Variants in GOLGB1 observed in about 807,000 individuals in gnomAD.
The protein encoded by GOLGB1 is golgin subfamily B member 1.
A neutral mutation model predicts 336.9 loss-of-function variants in GOLGB1; 174 were observed. That is an observed-to-expected ratio of 0.52 (90% confidence interval 0.46 to 0.59). The LOEUF (loss-of-function observed/expected upper bound fraction) is 0.59. Among genes scored for constraint, GOLGB1 ranks in the 20% least tolerant of loss-of-function variants. GOLGB1 has a pLI of 0.00. For synonymous variants in GOLGB1, 1,208 were observed against 1,289.2 expected, an observed-to-expected ratio of 0.94 and a Z score of 1.35; for missense variants, 3,331 against 3,645.3, an observed-to-expected ratio of 0.91 and a Z score of 2.22.
intron 6 of GOLGB1, 22 bp from the exon 7 acceptor site, chr3:121,719,790 A>C: frequency 6.3e-7 from 1 of 1,580,078 alleles, no homozygotes; most frequent in Non-Finnish European, 8.6e-7. Context: ...TACCAGAGAA[A>C]CTATGCAAGT....
chr3:121,696,334 G>A lies in GOLGB1; in HGVS notation c.4189C>T (p.Pro1397Ser). 1.9e-6 allele frequency: 3 copies of A among 1,614,078 alleles called. No homozygotes were observed. Among genetic ancestry groups the A allele is most frequent in the Non-Finnish European group, 2.5e-6 (3 of 1,179,984 alleles). Residue 1397 changes from proline (P) to serine (S), a missense_variant, in exon 13 of 22, where the codon CCT becomes TCT. By Grantham distance (74) the Pro-to-Ser change is moderately conservative (BLOSUM62 -1). Coordinates refer to ENST00000614479, the MANE Select transcript of GOLGB1 (RefSeq NM_001366282.2). ...AGTTTTTGCAGTTCATCCAGTTTAGGTTGCAATTCTCTTAGATGTTCTAGG... is the reference window on the plus strand; with the variant it reads ...AGTTTTTGCAGTTCATCCAGTTTAGATTGCAATTCTCTTAGATGTTCTAGG... The part of the protein sequence containing the change: ...AGLEHLRELQ[P>S]KLDELQKLIS...
At chr3:121,671,920 T>G (rs1425409948) in intron 17 of GOLGB1, among the ~76,000 whole-genome samples, 2 of 152,200 alleles carry the variant, frequency 1.3e-5, no homozygotes, top group Non-Finnish European at 2.9e-5. Context: ...CTTGGCTTAT[T>G]TCACTTAACA....
intron 10 of GOLGB1, among the ~76,000 whole-genome samples, chr3:121,714,055 A>G (rs35988617): frequency 0.22 from 33,484 of 152,180 alleles, 4,233 homozygotes; most frequent in Non-Finnish European, 0.29. Flanking sequence ...ACGTCTTAAC[A>G]AAACATTGGA....
chr3:121,667,691 G>T, intron 19 of GOLGB1, 81 bp from the exon 20 acceptor site: 1 of 1,281,452 alleles, frequency 7.8e-7, no homozygotes, highest in Non-Finnish European at 1.1e-6. Flanking sequence ...GTCTTCATAA[G>T]GTTGTAAAGC....
At chr3:121,724,660 C>T (rs1036845673) in intron 5 of GOLGB1, among the ~76,000 whole-genome samples, 1 of 152,010 alleles carries the variant, frequency 6.6e-6, no homozygotes, top group Non-Finnish European at 1.5e-5. Context: ...CCACCACTTG[C>T]TAAAGAAATT....
intron 6 of GOLGB1, among the ~76,000 whole-genome samples, 164 bp from the exon 7 acceptor site, chr3:121,719,932 G>A (rs1945061124): frequency 1.3e-5 from 2 of 152,128 alleles, no homozygotes; most frequent in African/African-American, 4.8e-5. Flanking sequence ...AGATAGGCTG[G>A]ACAGTAACTA....
At chr3:121,687,956 T>C (rs1241193998) in intron 14 of GOLGB1, among the ~76,000 whole-genome samples, 1 of 152,052 alleles carries the variant, frequency 6.6e-6, no homozygotes, top group Non-Finnish European at 1.5e-5. Context: ...TATAAACAAG[T>C]ATGTGTATGT....
At chr3:121,670,751 C>CT (rs1219969560) in intron 17 of GOLGB1, among the ~76,000 whole-genome samples, 4 of 43,936 alleles carry the variant, frequency 9.1e-5, no homozygotes, top group African/African-American at 3.1e-4. Flanking sequence ...ATAGGGTTTT[C>CT]TTTTGGGGGG....
chr3:121,691,026 C>T lies in GOLGB1; in HGVS notation c.8338G>A (p.Gly2780Arg). ...GCATCTCTCTCTCTGTTTAAGAGTC[C>T]CTGTTCTTTCAACTGTGCCAATTCC... is the stretch of plus-strand genomic sequence containing the variant. ...LKELAQLKEQ[G>R]LLNRERDALL... Residue 2780 changes from glycine to arginine, a missense_variant, in exon 14 of 22, where the codon GGA becomes AGA. Coordinates refer to ENST00000614479, the MANE Select transcript of GOLGB1 (RefSeq NM_001366282.2). 6.2e-7 allele frequency: 1 copy of T among 1,613,736 alleles called. No individual in the cohort carries two copies. The highest frequency in any genetic ancestry group is 8.5e-7 in the Non-Finnish European group (1 of 1,179,770).
At chr3:121,721,375 C>T (rs551443349) in intron 6 of GOLGB1, among the ~76,000 whole-genome samples, 14 of 152,242 alleles carry the variant, frequency 9.2e-5, no homozygotes, top group African/African-American at 3.4e-4. Flanking sequence ...GCCTGTAATC[C>T]CAGCACTTTG....
rs183198912 is a variant in GOLGB1 at position 121,671,431 on chromosome 3, G to A, written c.9178-2076C>T. 1.1e-3 allele frequency among the ~76,000 whole-genome samples: 168 copies of A among 152,212 alleles called. 1 individual carries two copies. The highest frequency in any genetic ancestry group is 3.8e-3 in the African/African-American group (158 of 41,532). ...TCCCAGTATACCAAAATTCGAGGACGCTCAAATTCCTTATATATAATGGCA... is the reference window on the plus strand; with the variant it reads ...TCCCAGTATACCAAAATTCGAGGACACTCAAATTCCTTATATATAATGGCA... On this transcript the variant is annotated intron_variant, in intron 17 of 21. Coordinates refer to ENST00000614479, the MANE Select transcript of GOLGB1 (RefSeq NM_001366282.2).
intron 1 of GOLGB1, among the ~76,000 whole-genome samples, chr3:121,731,872 A>G (rs567132167): frequency 5.1e-4 from 77 of 152,284 alleles, no homozygotes; most frequent in African/African-American, 1.8e-3. Context: ...GAGAATATCA[A>G]TAAAACCAAA....
chr3:121,747,267 A>ATGTATATATGTATATATGTATATATATG lies in GOLGB1; in HGVS notation c.-3+2337_-3+2364dup, dbSNP rs1560351747. 1.3e-4 allele frequency among the ~76,000 whole-genome samples: 17 copies of ATGTATATATGTATATATGTATATATATG among 133,056 alleles called. No individual in the cohort carries two copies. The South Asian group carries it at 3.3e-3, about 26-fold the overall frequency. 87.3% of individuals were successfully genotyped at this position (133,056 alleles called of 152,430 possible). On this transcript the variant is annotated intron_variant, in intron 1 of 21. Coordinates refer to ENST00000614479, the MANE Select transcript of GOLGB1 (RefSeq NM_001366282.2). ...CAAAAATCCATGTGTGTATATATAT[A>ATGTATATATGTATATATGTATATATATG]TGTATATATGTATATATGTATATAT...
At chr3:121,740,184 G>A (rs1946757393) in intron 1 of GOLGB1, among the ~76,000 whole-genome samples, 1 of 152,058 alleles carries the variant, frequency 6.6e-6, no homozygotes. Flanking sequence ...ATATAACACT[G>A]CAAAACTTAA....
Position 121,696,187 on chromosome 3 carries a change from T to A in GOLGB1, c.4336A>T (p.Thr1446Ser). 1 of 1,614,092 alleles carries A rather than the reference T, an allele frequency of 6.2e-7. No homozygotes were observed. Among genetic ancestry groups the A allele is most frequent in the Non-Finnish European group, 8.5e-7 (1 of 1,179,966 alleles). The stretch of plus-strand genomic sequence containing the variant: ...TCTTTGGCTTGCATTTCTAGCTGTG[T>A]ATGCAGAGCCTTAATTAAATCTTCT... ...EQEDLIKALH[T>S]QLEMQAKEHD... Residue 1446 changes from threonine to serine, a missense_variant, in exon 13 of 22, where the codon ACA becomes TCA. Transcript: ENST00000614479.
chr3:121,689,988 A>G (rs1942262361), intron 14 of GOLGB1, among the ~76,000 whole-genome samples: 1 of 152,210 alleles, frequency 6.6e-6, no homozygotes. Flanking sequence ...GGAGACCTGG[A>G]TTAAACTCCT....
In GOLGB1 at chr3:121,695,412, A is replaced by G; in HGVS notation, c.5111T>C (p.Leu1704Pro). 1 of 1,613,860 alleles carries G rather than the reference A, an allele frequency of 6.2e-7. No individual in the cohort carries two copies. The highest frequency in any genetic ancestry group is 1.1e-5 in the South Asian group (1 of 91,076). ...TCCTGCAGGGTGCACCTCTGCCCTA[A>G]GCCGGTCATTCTCTTCTTCCAGCTC... ...ILELEEENDR[L>P]RAEVHPAGDT... Residue 1704 changes from leucine to proline, a missense_variant, in exon 13 of 22, where the codon CTT becomes CCT. Physicochemically the swap from Leu to Pro is moderately conservative, Grantham distance 98 (BLOSUM62 -3). Coordinates refer to ENST00000614479, the MANE Select transcript of GOLGB1 (RefSeq NM_001366282.2).
intron 5 of GOLGB1, among the ~76,000 whole-genome samples, chr3:121,724,473 G>A (rs1385139079): frequency 1.3e-5 from 2 of 151,986 alleles, no homozygotes; most frequent in Non-Finnish European, 2.9e-5. Flanking sequence ...AGGGTATATG[G>A]CAGGAGAAAA....
intron 14 of GOLGB1, among the ~76,000 whole-genome samples, chr3:121,682,538 A>G (rs1449207351): frequency 2.0e-5 from 3 of 152,236 alleles, no homozygotes; most frequent in Admixed American, 2.0e-4. Flanking sequence ...CACTTCACAC[A>G]TAAAGTTAGT....
Sources: allele counts gnomAD v4.1 joint callset (sites outside exome capture counted in the v4.1 genomes callset), GRCh38; gene constraint gnomAD v4.1.1; transcripts MANE v1.5; gene names NCBI Gene and HGNC (gene_info 2026-07-23, HGNC 2026-07-21).